DNAH10: variants seen among roughly 807,000 people sequenced by gnomAD.
DNAH10 encodes the protein dynein axonemal heavy chain 10, also known as axonemal beta dynein heavy chain 10.
In DNAH10, 348 loss-of-function variants were observed where a neutral mutation model predicts 506.6. That is an observed-to-expected ratio of 0.69 (90% CI 0.63 to 0.75). The LOEUF is 0.75. Among genes scored for constraint, DNAH10 ranks in the 30% least tolerant of loss-of-function variants. The pLI is 0.00. For synonymous variants in DNAH10, 2,059 were observed against 2,198.6 expected, an observed-to-expected ratio of 0.94 and a Z score of 1.78; for missense variants, 5,179 against 5,787.1, an observed-to-expected ratio of 0.89 and a Z score of 3.41.
Position 123,871,545 on chromosome 12 carries a change from C to A in DNAH10, c.7728C>A (p.Gly2576=). The part of the protein sequence containing the change: ...KQPVIFVGES[G]TSKTATTQNF... ...CTGTTATTTTTGTTGGTGAATCTGG[C>A]ACTTCTAAGACAGCCACTACCCAGA... Residue 2576 remains glycine (G), a synonymous_variant, in exon 45 of 79, where the codon GGC becomes GGA. Transcript: ENST00000673944. 6.4e-7 allele frequency: 1 copy of A among 1,552,604 alleles called. No homozygotes were observed. The highest frequency in any genetic ancestry group is 8.7e-7 in the Non-Finnish European group (1 of 1,147,540).
intron 45 of DNAH10, among the ~76,000 whole-genome samples, chr12:123,872,066 T>C (rs1952057688): frequency 6.6e-6 from 1 of 152,236 alleles, no homozygotes; most frequent in Non-Finnish European, 1.5e-5. Context: ...GGGAGGGACC[T>C]GCACCAGGGC....
At chr12:123,810,001 C>T (rs1248279014) in intron 19 of DNAH10, among the ~76,000 whole-genome samples, 1 of 152,180 alleles carries the variant, frequency 6.6e-6, no homozygotes, top group Non-Finnish European at 1.5e-5. Flanking sequence ...CTACCACGTA[C>T]CACTCTCCGA....
chr12:123,918,932 A>ATAACCACG lies in DNAH10; in HGVS notation c.11490_11497dup (p.Gly3833ValfsTer20). The ATAACCACG allele has an allele frequency of 6.2e-7, 1 of 1,612,702 alleles. No individual in the cohort carries two copies. The highest frequency in any genetic ancestry group is 2.2e-5 in the East Asian group (1 of 44,868). On this transcript the variant is annotated frameshift_variant, in exon 65 of 79. Coordinates refer to ENST00000673944, the MANE Select transcript of DNAH10 (RefSeq NM_001372106.1). LOFTEE classifies it high-confidence loss of function. ...ATGGACACGCTGACCTTCAGCATCT[A>ATAACCACG]TAACCACGGCTGCACAGGTGAGCTC... is the stretch of plus-strand genomic sequence containing the variant.
chr12:123,877,710 G>GC lies in DNAH10; in HGVS notation c.8200-26_8200-25insC, dbSNP rs373071023. On this transcript the variant is annotated intron_variant, in intron 47 of 78. Transcript: ENST00000673944. The stretch of plus-strand genomic sequence containing the variant: ...ATCTACTGAAGGACATTTGTGTGTT[G>GC]GGGGGGGTGTCTTTGCATTTTTCAG... The GC allele has an allele frequency of 5.6e-4, 788 of 1,407,928 alleles. 2 individuals are homozygous for GC. The highest frequency in any genetic ancestry group is 8.3e-4 in the Admixed American group (37 of 44,722). 87.2% of individuals were successfully genotyped at this position (1,407,928 alleles called of 1,614,324 possible).
intron 65 of DNAH10, chr12:123,923,502 G>C (rs371573305): frequency 1.1e-4 from 32 of 297,470 alleles, no homozygotes; most frequent in East Asian, 9.3e-4. Flanking sequence ...TTCCCAGGTT[G>C]GTGTGATTTT....
rs779455653 is a variant in DNAH10 at position 123,929,361 on chromosome 12, G to A, written c.12393G>A (p.Pro4131=). ...CTCACGAAATGCTGGACCAGTGCCC[G>A]CACCCTGCCTTCAAGCCGCTGGTCT... is the stretch of plus-strand genomic sequence containing the variant. ...KISHEMLDQC[P]HPAFKPLVYV... is the part of the protein sequence containing the mutation. The change falls in exon 71 of 79, where the codon CCG becomes CCA. Residue 4131 remains proline (P), a synonymous_variant. Transcript: ENST00000673944. 10 of 1,610,232 alleles carry A rather than the reference G, an allele frequency of 6.2e-6. No individual in the cohort carries two copies. Among genetic ancestry groups the A allele is most frequent in the African/African-American group, 4.0e-5 (3 of 74,876 alleles).
Position 123,783,956 on chromosome 12 carries a change from C to T in DNAH10, c.1009C>T (p.Pro337Ser), listed in dbSNP as rs749055036. ...TCATTTCACCTCTCAGGGTAAAGGCCCTCTGGCTGAAATTGAATTCTGGAG... is the reference window on the plus strand; with the variant it reads ...TCATTTCACCTCTCAGGGTAAAGGCTCTCTGGCTGAAATTGAATTCTGGAG... ...QLKKTPQGKG[P>S]LAEIEFWRER... Residue 337 changes from proline to serine, a missense_variant, in exon 8 of 79, where the codon CCT becomes TCT. By Grantham distance (74) the Pro-to-Ser change is moderately conservative (BLOSUM62 -1). Around this residue, in one of 3 missense-constraint regions of DNAH10, gnomAD observed 4,844 missense variants for 5,430.5 expected, o/e 0.89. Transcript: ENST00000673944. 5.0e-6 allele frequency: 8 copies of T among 1,614,130 alleles called. No homozygotes were observed. In the South Asian group the frequency reaches 7.7e-5, roughly 16 times the overall value.
intron 3 of DNAH10, among the ~76,000 whole-genome samples, chr12:123,771,937 A>AAAAAAGG (rs1444513593): frequency 6.6e-6 from 1 of 152,228 alleles, no homozygotes; most frequent in African/African-American, 2.4e-5. Context: ...AGACTCAGCA[A>AAAAAAGG]AAAAAGGAAA....
Position 123,910,314 on chromosome 12 carries a change from G to A in DNAH10, c.9998-222G>A, listed in dbSNP as rs77495178. On this transcript the variant is annotated intron_variant, in intron 58 of 78. Coordinates refer to ENST00000673944, the MANE Select transcript of DNAH10 (RefSeq NM_001372106.1). ...CCTGGGTCTCCTGTGTGACACCTGC[G>A]TCCTGGGTGGCAGTAAACCATGTCC... Among the ~76,000 whole-genome samples, 1,800 of 152,302 alleles carry A rather than the reference G, an allele frequency of 0.012. 107 individuals carry two copies. In the East Asian group the frequency reaches 0.17, roughly 15 times the overall value.
chr12:123,852,957 C>T (rs1469836163), intron 35 of DNAH10, among the ~76,000 whole-genome samples: 2 of 150,534 alleles, frequency 1.3e-5, no homozygotes, highest in Non-Finnish European at 3.0e-5. Flanking sequence ...TGGTTCTGTT[C>T]TTTAAATTAA....
chr12:123,780,463 G>T (rs535115756), intron 5 of DNAH10, among the ~76,000 whole-genome samples: 2 of 150,994 alleles, frequency 1.3e-5, no homozygotes, highest in East Asian at 4.0e-4. Context: ...ACCGCAGCCA[G>T]CTCCCTGTGC....
intron 73 of DNAH10, 108 bp from the exon 74 acceptor site, chr12:123,931,233 T>G (rs1379861597): frequency 1.3e-6 from 2 of 1,490,992 alleles, no homozygotes; most frequent in Non-Finnish European, 1.8e-6. Context: ...AGTCACCCTC[T>G]AAACAGTGGA....
chr12:123,878,788 A>C (rs1952372377), intron 48 of DNAH10, among the ~76,000 whole-genome samples: 1 of 152,142 alleles, frequency 6.6e-6, no homozygotes, highest in Non-Finnish European at 1.5e-5. Context: ...AGTCCCAGCC[A>C]CTTGGGAGGC....
Position 123,819,241 on chromosome 12 carries a change from C to T in DNAH10, c.3991C>T (p.Leu1331Phe). Reference sequence around the variant, plus strand: ...AGGCCCTGGTTCTGTTGGTGATGATCTTGATAAAGGTAAGAATGTTCCTGT... The same window carrying T: ...AGGCCCTGGTTCTGTTGGTGATGATTTTGATAAAGGTAAGAATGTTCCTGT... ...SEGPGSVGDD[L>F]DKGVELLGVY... is the part of the protein sequence containing the mutation. Residue 1331 changes from leucine (L) to phenylalanine (F), a missense_variant, in exon 23 of 79, where the codon CTT (leucine) becomes TTT (phenylalanine). By Grantham distance (22) the Leu-to-Phe change is conservative. Transcript: ENST00000673944. The T allele has an allele frequency of 2.5e-6, 4 of 1,611,472 alleles. 1 individual carries two copies. In the South Asian group the frequency reaches 3.3e-5, roughly 13 times the overall value.
At chr12:123,904,185 T>C (rs113771811) in intron 57 of DNAH10, among the ~76,000 whole-genome samples, 3,005 of 152,324 alleles carry the variant, frequency 0.02, 82 homozygotes, top group African/African-American at 0.068. Context: ...TTGGAGGTGC[T>C]GCTGTGGTCA....
intron 7 of DNAH10, 44 bp from the exon 8 acceptor site, chr12:123,783,903 A>C: frequency 6.4e-7 from 1 of 1,555,764 alleles, no homozygotes; most frequent in Non-Finnish European, 8.8e-7. Flanking sequence ...TGTCTGCTCC[A>C]CCCTAATAAT....
Position 123,914,508 on chromosome 12 carries a change from T to A in DNAH10, c.10532T>A (p.Phe3511Tyr). The change falls in exon 61 of 79, where the codon TTC becomes TAC. Residue 3511 changes from phenylalanine (F) to tyrosine (Y), a missense_variant. Phe to Tyr is a conservative substitution (Grantham distance 22). Coordinates refer to ENST00000673944, the MANE Select transcript of DNAH10 (RefSeq NM_001372106.1). ...LEREIPLSQP[F>Y]RLESLLTDDV... is the part of the protein sequence containing the mutation. Reference sequence around the variant, plus strand: ...CGGGAGATCCCCCTGAGCCAGCCTTTCCGGCTGGAAAGCCTGCTCACGGAT... The same window carrying A: ...CGGGAGATCCCCCTGAGCCAGCCTTACCGGCTGGAAAGCCTGCTCACGGAT... The A allele has an allele frequency of 6.2e-7, 1 of 1,613,660 alleles. No homozygotes were observed. Among genetic ancestry groups the A allele is most frequent in the Non-Finnish European group, 8.5e-7 (1 of 1,179,872 alleles).
rs1024783073 is a variant in DNAH10 at position 123,903,915 on chromosome 12, G to A, written c.9815+802G>A. 6.6e-6 allele frequency among the ~76,000 whole-genome samples: 1 copy of A among 152,158 alleles called. No homozygotes were observed. The highest frequency in any genetic ancestry group is 1.5e-5 in the Non-Finnish European group (1 of 68,038). On this transcript the variant is annotated intron_variant, in intron 57 of 78. Coordinates refer to ENST00000673944, the MANE Select transcript of DNAH10 (RefSeq NM_001372106.1). The surrounding 1 kb of genome is among the most constrained non-coding windows in gnomAD (Gnocchi z 4.6). Reference sequence around the variant, plus strand: ...ATCCAGAAGGAGATCAGTCTTCCTGGCCCCACACACGGGTCTCGCAGCCGA... The same window carrying A: ...ATCCAGAAGGAGATCAGTCTTCCTGACCCCACACACGGGTCTCGCAGCCGA...
chr12:123,914,928 C>T lies in DNAH10; in HGVS notation c.10651C>T (p.Pro3551Ser). 1 of 1,613,122 alleles carries T rather than the reference C, an allele frequency of 6.2e-7. No individual in the cohort carries two copies. Among genetic ancestry groups the T allele is most frequent in the Non-Finnish European group, 8.5e-7 (1 of 1,179,586 alleles). ...CCTCACCACCCGGGCCAGCCGCTTCCCTCTGTGTATCGACCCCCAGCAGCA... is the reference window on the plus strand; with the variant it reads ...CCTCACCACCCGGGCCAGCCGCTTCTCTCTGTGTATCGACCCCCAGCAGCA... The part of the protein sequence containing the change: ...GILTTRASRF[P>S]LCIDPQQQAL... The change falls in exon 62 of 79, where the codon CCT (proline) becomes TCT (serine). Residue 3551 changes from proline (P) to serine (S), a missense_variant. By Grantham distance (74) the Pro-to-Ser change is moderately conservative (BLOSUM62 -1). This residue lies in a region of DNAH10 where 4,844 missense variants were observed against 5,430.5 expected (regional missense o/e 0.89). Transcript: ENST00000673944.
Sources: gnomAD v4.1 joint callset for allele counts (sites outside exome capture counted in the v4.1 genomes callset) on GRCh38, gnomAD v4.1.1 for gene constraint, gnomAD v4.1.1 regional missense constraint, Gnocchi (gnomAD v3.1) non-coding constraint, MANE v1.5 for transcripts, NCBI Gene and HGNC (gene_info 2026-07-23, HGNC 2026-07-21) for gene names.